LSP1: variants seen among roughly 807,000 people sequenced by gnomAD.
LSP1 encodes the protein lymphocyte specific protein 1, also known as lymphocyte-specific protein 1.
LSP1 carries 32 observed loss-of-function variants against 49.3 expected under a neutral mutation model. That is an observed-to-expected ratio of 0.65 (90% CI 0.49 to 0.87). The LOEUF is 0.87. LSP1 is among the 40% of genes least tolerant of loss of function. LSP1 has a pLI of 0.00. For synonymous variants in LSP1, 179 were observed against 178.8 expected (o/e 1.00, Z -0.01); for missense variants, 428 against 442.6 (o/e 0.97, Z 0.30).
chr11:1,889,635 G>T (rs1848905036), intron 10 of LSP1: 1 of 616,198 alleles, frequency 1.6e-6, no homozygotes, highest in Non-Finnish European at 3.0e-6. Context: ...TGGGGTAGGG[G>T]ATGAGGCCCA....
intron 7 of LSP1, 32 bp from the exon 8 acceptor site, chr11:1,886,700 A>G (rs755871343): frequency 1.9e-6 from 3 of 1,583,540 alleles, no homozygotes; most frequent in Non-Finnish European, 2.6e-6. Context: ...GCTGTCCACT[A>G]AGGTAATCCT....
chr11:1,857,251 T>C (rs1270563575), intron 1 of LSP1, among the ~76,000 whole-genome samples: 2 of 152,190 alleles, frequency 1.3e-5, no homozygotes, highest in African/African-American at 4.8e-5. Context: ...GCCCCCTTCC[T>C]GGTTCCCTCG....
At chr11:1,882,153 C>G (rs1172678205) in intron 3 of LSP1, among the ~76,000 whole-genome samples, 1 of 152,210 alleles carries the variant, frequency 6.6e-6, no homozygotes, top group Non-Finnish European at 1.5e-5. Flanking sequence ...CCCAACAGGC[C>G]CAACAGGGGC....
At chr11:1,888,441 G>T (rs114229888) in intron 10 of LSP1, 1 of 152,244 alleles carries the variant, frequency 6.6e-6, no homozygotes, top group Non-Finnish European at 1.5e-5. Flanking sequence ...TCCCACCAGC[G>T]AATCCCTCGA....
chr11:1,855,814 C>T (rs189340133), intron 1 of LSP1, among the ~76,000 whole-genome samples: 21 of 152,298 alleles, frequency 1.4e-4, no homozygotes, highest in African/African-American at 3.4e-4. Flanking sequence ...TCTCTGGTGA[C>T]GCTGGGGGAT....
intron 10 of LSP1, chr11:1,890,289 G>A: frequency 1.4e-6 from 1 of 712,264 alleles, no homozygotes; most frequent in South Asian, 1.5e-5. Context: ...GGCGGGGCGT[G>A]GGGCTTCAGG....
intron 1 of LSP1, among the ~76,000 whole-genome samples, chr11:1,877,759 G>A (rs1348283925): frequency 6.6e-6 from 1 of 152,224 alleles, no homozygotes; most frequent in Admixed American, 6.5e-5. Flanking sequence ...ATGCCTGTGT[G>A]GCTGGAGCGT....
chr11:1,887,833 G>A (rs775878352), intron 10 of LSP1, among the ~76,000 whole-genome samples: 1 of 152,128 alleles, frequency 6.6e-6, no homozygotes, highest in African/African-American at 2.4e-5. Context: ...GAAGCTCAAG[G>A]CTCCCATCTG....
At chr11:1,860,295 T>TGATGGATGGATGGATG (rs55925827) in intron 1 of LSP1, among the ~76,000 whole-genome samples, 7 of 150,970 alleles carry the variant, frequency 4.6e-5, no homozygotes, top group East Asian at 2.0e-4. Context: ...GATAATTGAA[T>TGATGGATGGATGGATG]GATGGATGGA....
chr11:1,854,654 G>C (rs906791263), intron 1 of LSP1, among the ~76,000 whole-genome samples: 1 of 152,164 alleles, frequency 6.6e-6, no homozygotes, highest in Non-Finnish European at 1.5e-5. Flanking sequence ...GGGTCGGGAC[G>C]TCCGTGCCTG....
chr11:1,867,871 C>T (rs1046028552), intron 1 of LSP1, among the ~76,000 whole-genome samples: 1 of 143,582 alleles, frequency 7.0e-6, no homozygotes. Flanking sequence ...ACACCCAGTG[C>T]AAGCCCAGGG....
At chr11:1,875,792 C>G (rs1236686196) in intron 1 of LSP1, among the ~76,000 whole-genome samples, 1 of 152,304 alleles carries the variant, frequency 6.6e-6, no homozygotes, top group Admixed American at 6.5e-5. Flanking sequence ...GAGCCCCAGG[C>G]GGACGGCGCA....
intron 7 of LSP1, among the ~76,000 whole-genome samples, chr11:1,885,811 C>T (rs1053061513): frequency 3.3e-5 from 5 of 151,768 alleles, no homozygotes; most frequent in Non-Finnish European, 7.4e-5. Flanking sequence ...CAATTAATGC[C>T]CCTCCATCCA....
At chr11:1,878,843 G>T (rs946322981) in intron 1 of LSP1, among the ~76,000 whole-genome samples, 27 of 152,130 alleles carry the variant, frequency 1.8e-4, no homozygotes, top group African/African-American at 6.3e-4. Context: ...CTAGGAGGGC[G>T]ATGGGAGGCA....
rs1186042897 is a variant in LSP1 at position 1,870,322 on chromosome 11, G to T, written c.54-9765G>T. ...CTCCCATCCTGGGGCTTGGCAGGGGGTGCCCGCAGCACCCGGGGACATACA... is the reference window on the plus strand; with the variant it reads ...CTCCCATCCTGGGGCTTGGCAGGGGTTGCCCGCAGCACCCGGGGACATACA... On this transcript the variant is annotated intron_variant, in intron 1 of 10. Transcript: ENST00000311604. 1.1e-5 allele frequency: 14 copies of T among 1,293,750 alleles called. No individual in the cohort carries two copies. In the Admixed American group the frequency reaches 3.0e-4, roughly 28 times the overall value. The allele number at this position is 1,293,750 out of a possible 1,614,324, so 80.1% of individuals were successfully genotyped here. A position where few individuals can be genotyped will look rare whatever the true frequency, so the allele number is the denominator to read the frequency against.
chr11:1,878,358 C>T (rs1848397738), intron 1 of LSP1, among the ~76,000 whole-genome samples: 2 of 152,216 alleles, frequency 1.3e-5, no homozygotes, highest in Admixed American at 6.5e-5. Context: ...CCGGCAGAAG[C>T]GGGAAGCTGG....
chr11:1,876,929 G>C (rs1057126849), intron 1 of LSP1, among the ~76,000 whole-genome samples: 2 of 152,184 alleles, frequency 1.3e-5, no homozygotes, highest in African/African-American at 4.8e-5. Context: ...GGGGTGTGCT[G>C]GGGTGGGAGG....
chr11:1,878,846 G>A (rs912741016), intron 1 of LSP1, among the ~76,000 whole-genome samples: 1 of 152,140 alleles, frequency 6.6e-6, no homozygotes, highest in South Asian at 2.1e-4. Context: ...GGAGGGCGAT[G>A]GGAGGCAGGG....
At chr11:1,879,969 G>A (rs978621307) in intron 1 of LSP1, 118 bp from the exon 2 acceptor site, 27 of 1,279,274 alleles carry the variant, frequency 2.1e-5, no homozygotes, top group East Asian at 2.6e-5. Flanking sequence ...GACTGACCTC[G>A]TGGACAGGGC....
Sources: gnomAD v4.1 joint callset for allele counts (sites outside exome capture counted in the v4.1 genomes callset) on GRCh38, gnomAD v4.1.1 for gene constraint, MANE v1.5 for transcripts, NCBI Gene and HGNC (gene_info 2026-07-23, HGNC 2026-07-21) for gene names.